PRRC2A: variants seen among roughly 807,000 people sequenced by gnomAD.
The protein encoded by PRRC2A is proline rich coiled-coil 2A.
Under a neutral mutation model 224.6 loss-of-function variants are expected in PRRC2A, and 59 were observed. The ratio of observed to expected loss-of-function variants is 0.26; its 90% CI spans 0.21 to 0.33. The LOEUF (loss-of-function observed/expected upper bound fraction) is 0.33, where lower values mean the gene tolerates loss of function less well. Among genes scored for constraint, PRRC2A ranks in the 10% least tolerant of loss-of-function variants. The probability of loss-of-function intolerance (pLI) is 1.00; values close to 1 mark genes in which losing one functional copy is unlikely to be tolerated. For missense variants in PRRC2A, 3,095 were observed against 2,880.7 expected, an observed-to-expected ratio of 1.07 and a Z score of -1.70; for synonymous variants, 1,194 against 1,109.5, an observed-to-expected ratio of 1.08 and a Z score of -1.51.
rs1457409627 is a variant in PRRC2A at position 31,635,987 on chromosome 6, C to G, written c.5562C>G (p.Asp1854Glu). ...SSSQISGGAM[D>E]SQLHPNSGGF... Reference sequence around the variant, plus strand: ...TGCAGATCTCTGGGGGAGCCATGGACTCTCAATTACATCCAAACAGTGGAG... The same window carrying G: ...TGCAGATCTCTGGGGGAGCCATGGAGTCTCAATTACATCCAAACAGTGGAG... The change falls in exon 25 of 31, where the codon GAC (aspartate) becomes GAG (glutamate). Residue 1854 changes from aspartate (D) to glutamate (E), a missense_variant. Physicochemically the swap from Asp to Glu is conservative, Grantham distance 45. Coordinates refer to ENST00000376033, the MANE Select transcript of PRRC2A (RefSeq NM_004638.4). 2 of 1,613,102 alleles carry G rather than the reference C, an allele frequency of 1.2e-6. No homozygotes were observed. The highest frequency in any genetic ancestry group is 1.7e-6 in the Non-Finnish European group (2 of 1,179,212).
At chr6:31,624,075 T>C (rs1583180972) in intron 3 of PRRC2A, among the ~76,000 whole-genome samples, 166 bp downstream of exon 3, 3 of 152,208 alleles carry the variant, frequency 2.0e-5, no homozygotes, top group East Asian at 3.9e-4. Flanking sequence ...TACTAAACTT[T>C]AGCTTTTTGT....
At chr6:31,633,318 T>C (rs2150526755) in intron 16 of PRRC2A, 61 bp from the exon 17 acceptor site, 1 of 1,565,506 alleles carries the variant, frequency 6.4e-7, no homozygotes, top group South Asian at 1.2e-5. Context: ...TTGGGAAACA[T>C]AACTTGTGGG....
rs915536625 is a variant in PRRC2A, at chr6:31,631,499, A to G, written c.2826A>G (p.Pro942=). 6.2e-7 allele frequency: 1 copy of G among 1,604,860 alleles called. No individual in the cohort carries two copies. Among genetic ancestry groups the G allele is most frequent in the African/African-American group, 1.3e-5 (1 of 74,302 alleles). Residue 942 remains proline (P), a synonymous_variant, in exon 16 of 31, where the codon CCA becomes CCG. Coordinates refer to ENST00000376033, the MANE Select transcript of PRRC2A (RefSeq NM_004638.4). The surrounding 1 kb of genome is among the most constrained non-coding windows in gnomAD (Gnocchi z 4.5). ...GTCGTGGAATCCCTCCAGAGGAGCC[A>G]GGGGCCCCACCCCGCCGGGCTGGGC... The part of the protein sequence containing the change: ...SSRRGIPPEE[P]GAPPRRAGPI...
rs750623419 is a variant in PRRC2A at position 31,637,582 on chromosome 6, G to A, written c.6470G>A (p.Arg2157His). The change falls in exon 31 of 31, where the codon CGC becomes CAC. Residue 2157 changes from arginine to histidine, a missense_variant. Arg to His is a conservative substitution (Grantham distance 29). This residue lies in a region of PRRC2A where 662 missense variants were observed against 609.5 expected (regional missense o/e 1.09). Coordinates refer to ENST00000376033, the MANE Select transcript of PRRC2A (RefSeq NM_004638.4). ...AAGGAGCCTGGGTTGCCCCCACCCC[G>A]CTGAGGGAGTTCCTCTTGCCCCCTA... ...GDKEPGLPPP[R>H] 69 of 1,568,842 alleles carry A rather than the reference G, an allele frequency of 4.4e-5. No homozygotes were observed. Among genetic ancestry groups the A allele is most frequent in the Non-Finnish European group, 5.2e-5 (60 of 1,159,854 alleles).
rs777481846 is a variant in PRRC2A at position 31,635,277 on chromosome 6, G to T, written c.5301+5G>T. 4 of 1,614,060 alleles carry T rather than the reference G, an allele frequency of 2.5e-6. No homozygotes were observed. Among genetic ancestry groups the T allele is most frequent in the Non-Finnish European group, 1.7e-6 (2 of 1,179,950 alleles). On this transcript the variant is annotated splice_donor_5th_base_variant and intron_variant, in intron 22 of 30. Transcript: ENST00000376033. ...CAGTTTGGCACTAGTGACAAGGTCTGTGTGGGCTGGATCTGGGTATCCTGA... is the reference window on the plus strand; with the variant it reads ...CAGTTTGGCACTAGTGACAAGGTCTTTGTGGGCTGGATCTGGGTATCCTGA...
rs371020699 is a variant in PRRC2A, at chr6:31,625,639, G to T, written c.759+28G>T. On this transcript the variant is annotated intron_variant, in intron 7 of 30. Coordinates refer to ENST00000376033, the MANE Select transcript of PRRC2A (RefSeq NM_004638.4). The surrounding 1 kb of genome is among the most constrained non-coding windows in gnomAD (Gnocchi z 4.1). ...GAGTCTTGGTGTCTTGTCTTGGAAC[G>T]ATTACACTGGAAGCTGGAGAGCTAG... The T allele has an allele frequency of 6.2e-7, 1 of 1,602,584 alleles. No homozygotes were observed. Among genetic ancestry groups the T allele is most frequent in the Non-Finnish European group, 8.5e-7 (1 of 1,173,522 alleles).
intron 29 of PRRC2A, 42 bp downstream of exon 29, chr6:31,637,178 A>C: frequency 6.2e-7 from 1 of 1,607,198 alleles, no homozygotes; most frequent in Non-Finnish European, 8.5e-7. Flanking sequence ...GTGCTTCCTT[A>C]CTTTGGAACC....
At position 31,636,176 on chromosome 6, in the gene PRRC2A, C is replaced by T; in HGVS notation, c.5625-33C>T. ...AAGGCATTGCTAGGACTCTGGCTTC[C>T]TAACAGCTTTTCTCCCCACAATTTA... On this transcript the variant is annotated intron_variant, in intron 25 of 30. Coordinates refer to ENST00000376033, the MANE Select transcript of PRRC2A (RefSeq NM_004638.4). This position sits in a 1 kb window ranked among gnomAD's most constrained non-coding sequence, Gnocchi z 4.3. 4 of 1,598,432 alleles carry T rather than the reference C, an allele frequency of 2.5e-6. No homozygotes were observed. The highest frequency in any genetic ancestry group is 3.4e-6 in the Non-Finnish European group (4 of 1,165,894).
chr6:31,632,662 T>G lies in PRRC2A; in HGVS notation c.3989T>G (p.Phe1330Cys). ...EWETASESSDFTSERRGDKEA... is the reference protein window; with the variant it reads ...EWETASESSDCTSERRGDKEA... ...GAGACTGCATCAGAGAGCAGTGACT[T>G]CACCAGTGAGCGCCGAGGGGACAAA... is the stretch of plus-strand genomic sequence containing the variant. The change falls in exon 16 of 31, where the codon TTC (phenylalanine) becomes TGC (cysteine). Residue 1330 changes from phenylalanine to cysteine, a missense_variant. Coordinates refer to ENST00000376033, the MANE Select transcript of PRRC2A (RefSeq NM_004638.4). The G allele has an allele frequency of 6.2e-7, 1 of 1,613,002 alleles. No individual in the cohort carries two copies. The highest frequency in any genetic ancestry group is 8.5e-7 in the Non-Finnish European group (1 of 1,180,000).
In PRRC2A at chr6:31,636,757, C is replaced by A; in HGVS notation, c.5959C>A (p.Gln1987Lys). 1 of 1,607,008 alleles carries A rather than the reference C, an allele frequency of 6.2e-7. No individual in the cohort carries two copies. Among genetic ancestry groups the A allele is most frequent in the Non-Finnish European group, 8.5e-7 (1 of 1,180,002 alleles). The part of the protein sequence containing the change: ...QQMLLPMVDS[Q>K]LPVVNFGSLP... ...GATGCTTCTACCCATGGTAGACTCA[C>A]AGCTGCCTGTGGTGAACTTTGGCTC... The change falls in exon 28 of 31, where the codon CAG becomes AAG. Residue 1987 changes from glutamine (Q) to lysine (K), a missense_variant. By Grantham distance (53) the Gln-to-Lys change is moderately conservative. Around this residue, in one of 8 missense-constraint regions of PRRC2A, gnomAD observed 662 missense variants for 609.5 expected, o/e 1.09. Transcript: ENST00000376033. This position sits in a 1 kb window ranked among gnomAD's most constrained non-coding sequence, Gnocchi z 4.3.
intron 3 of PRRC2A, 61 bp from the exon 4 acceptor site, chr6:31,624,200 C>T: frequency 6.7e-7 from 1 of 1,484,570 alleles, no homozygotes; most frequent in Non-Finnish European, 9.4e-7. Flanking sequence ...GAGTCTCCAC[C>T]AGTTGGAGAA....
Position 31,631,444 on chromosome 6 carries a change from C to G in PRRC2A, c.2771C>G (p.Thr924Ser), listed in dbSNP as rs771151367. 1.9e-6 allele frequency: 3 copies of G among 1,609,776 alleles called. No individual in the cohort carries two copies. Among genetic ancestry groups the G allele is most frequent in the Non-Finnish European group, 2.5e-6 (3 of 1,178,572 alleles). The change falls in exon 16 of 31, where the codon ACC becomes AGC. Residue 924 changes from threonine (T) to serine (S), a missense_variant. Physicochemically the swap from Thr to Ser is moderately conservative, Grantham distance 58 (BLOSUM62 1). Coordinates refer to ENST00000376033, the MANE Select transcript of PRRC2A (RefSeq NM_004638.4). This position sits in a 1 kb window ranked among gnomAD's most constrained non-coding sequence, Gnocchi z 4.5. ...CCACGCAGAGAGAGTCGCACAGAGA[C>G]CCGCTGGGGCCCTCGTCCAGGGAGC... Reference protein sequence around the residue: ...PPPRRESRTETRWGPRPGSSR... With the variant: ...PPPRRESRTESRWGPRPGSSR...
Position 31,636,884 on chromosome 6 carries a change from C to G in PRRC2A, c.6086C>G (p.Pro2029Arg), listed in dbSNP as rs1261857206. ...PSLAVRPPPA[P>R]ATRVLPSPAR... The stretch of plus-strand genomic sequence containing the variant: ...CTGGCTGTGCGGCCCCCACCTGCTC[C>G]TGCTACTCGGGTGCTGCCTTCACCT... Residue 2029 changes from proline (P) to arginine (R), a missense_variant, in exon 28 of 31, where the codon CCT (proline) becomes CGT (arginine). Physicochemically the swap from Pro to Arg is moderately radical, Grantham distance 103. This residue lies in a region of PRRC2A where 662 missense variants were observed against 609.5 expected (regional missense o/e 1.09). Transcript: ENST00000376033. The surrounding 1 kb of genome is among the most constrained non-coding windows in gnomAD (Gnocchi z 4.3). The G allele has an allele frequency of 6.2e-7, 1 of 1,613,056 alleles. No individual in the cohort carries two copies.
chr6:31,625,755 T>C lies in PRRC2A; in HGVS notation c.760-37T>C, dbSNP rs1320307184. Reference sequence around the variant, plus strand: ...TTAAGGAGCTAGAAGGGTATATGACTGTCCCTCTGAGCAGCTACTGTTGGA... The same window carrying C: ...TTAAGGAGCTAGAAGGGTATATGACCGTCCCTCTGAGCAGCTACTGTTGGA... On this transcript the variant is annotated intron_variant, in intron 7 of 30. Coordinates refer to ENST00000376033, the MANE Select transcript of PRRC2A (RefSeq NM_004638.4). This position sits in a 1 kb window ranked among gnomAD's most constrained non-coding sequence, Gnocchi z 4.1. 1 of 1,555,380 alleles carries C rather than the reference T, an allele frequency of 6.4e-7. No individual in the cohort carries two copies. Among genetic ancestry groups the C allele is most frequent in the African/African-American group, 1.4e-5 (1 of 73,550 alleles).
rs972387526 is a variant in PRRC2A at position 31,622,713 on chromosome 6, T to G, written c.-77T>G. 3 of 1,019,744 alleles carry G rather than the reference T, an allele frequency of 2.9e-6. No homozygotes were observed. The highest frequency in any genetic ancestry group is 3.1e-6 in the Non-Finnish European group (2 of 654,206). 63.2% of individuals were successfully genotyped at this position (1,019,744 alleles called of 1,614,324 possible). A position where few individuals can be genotyped will look rare whatever the true frequency, so the allele number is the denominator to read the frequency against. On this transcript the variant is annotated 5_prime_UTR_variant, in exon 2 of 31. Coordinates refer to ENST00000376033, the MANE Select transcript of PRRC2A (RefSeq NM_004638.4). The stretch of plus-strand genomic sequence containing the variant: ...AGGGGACAGAGACTGAGACACTTGC[T>G]GTCTGGCCCACAGGCTCTGGCACGT...
intron 2 of PRRC2A, chr6:31,623,130 T>G (rs1346156173): frequency 1.3e-6 from 1 of 755,140 alleles, no homozygotes; most frequent in African/African-American, 1.7e-5. Context: ...ACGTAAGAAT[T>G]GGAGGAAAAT....
intron 14 of PRRC2A, 151 bp downstream of exon 14, chr6:31,629,996 G>A: frequency 1.5e-6 from 2 of 1,345,406 alleles, no homozygotes; most frequent in Non-Finnish European, 1.0e-6. Flanking sequence ...AGATAGCTCT[G>A]TTGCAAAAAT....
chr6:31,620,928 G>A, intron 1 of PRRC2A, 70 bp downstream of exon 1: 1 of 155,966 alleles, frequency 6.4e-6, no homozygotes, highest in Non-Finnish European at 1.4e-5. Context: ...TGGCGGTGGC[G>A]GCGGCGGCGG....
intron 14 of PRRC2A, 83 bp downstream of exon 14, chr6:31,629,928 G>A: frequency 6.4e-7 from 1 of 1,564,724 alleles, no homozygotes; most frequent in South Asian, 1.2e-5. Context: ...TGTGACTCTG[G>A]TACGATAGGT....
Sources: gnomAD v4.1 joint callset for allele counts (sites outside exome capture counted in the v4.1 genomes callset) on GRCh38, gnomAD v4.1.1 for gene constraint, gnomAD v4.1.1 regional missense constraint, Gnocchi (gnomAD v3.1) non-coding constraint, MANE v1.5 for transcripts, NCBI Gene and HGNC (gene_info 2026-07-23, HGNC 2026-07-21) for gene names.